The following EIF2AK3 variants were observed in gnomAD, a reference collection of about 807,000 sequenced individuals.
EIF2AK3 encodes eukaryotic translation initiation factor 2-alpha kinase 3.
In EIF2AK3, 50 loss-of-function variants were observed where a neutral mutation model predicts 113.5. The ratio of observed to expected loss-of-function variants is 0.44; its 90% confidence interval spans 0.35 to 0.56. The LOEUF is 0.56. Ranked by LOEUF, EIF2AK3 falls within the 20% of genes least tolerant of loss-of-function variation. The pLI is 0.00. For missense variants in EIF2AK3, 1,185 were observed against 1,378.0 expected (o/e 0.86, Z 2.22); for synonymous variants, 448 against 495.4 (o/e 0.90, Z 1.27).
At position 88,577,131 on chromosome 2, in the gene EIF2AK3, G is replaced by A. The variant is rs183138697; in HGVS notation, c.1887-428C>T. On this transcript the variant is annotated intron_variant, in intron 11 of 16. Transcript: ENST00000303236. The stretch of plus-strand genomic sequence containing the variant: ...CCCGAGTAGCTGGGATTACAGATGC[G>A]CACCACCACACCCAGGTAATTTTGT... Among the ~76,000 whole-genome samples, 68 of 151,930 alleles carry A rather than the reference G, an allele frequency of 4.5e-4. 1 individual carries two copies. The highest frequency in any genetic ancestry group is 1.6e-3 in the African/African-American group (65 of 41,448).
chr2:88,599,504 T>G (rs905871280), intron 2 of EIF2AK3, among the ~76,000 whole-genome samples: 1 of 151,576 alleles, frequency 6.6e-6, no homozygotes, highest in Non-Finnish European at 1.5e-5. Flanking sequence ...ACATATCAGA[T>G]AGAAAATCAA....
At chr2:88,619,955 C>CAAAAAAA (rs35076573) in intron 1 of EIF2AK3, among the ~76,000 whole-genome samples, 2 of 119,722 alleles carry the variant, frequency 1.7e-5, no homozygotes, top group Non-Finnish European at 1.8e-5. Flanking sequence ...GACTCCGTCT[C>CAAAAAAA]AAAAAAAAAA....
At chr2:88,565,224 CG>C (rs1274421809) in intron 14 of EIF2AK3, among the ~76,000 whole-genome samples, 1 of 151,544 alleles carries the variant, frequency 6.6e-6, no homozygotes, top group Non-Finnish European at 1.5e-5. Context: ...TCAGTAGAGA[CG>C]GGGTTTCACC....
At chr2:88,613,592 G>T in intron 2 of EIF2AK3, 132 bp downstream of exon 2, 3 of 900,594 alleles carry the variant, frequency 3.3e-6, no homozygotes, top group South Asian at 1.4e-5. Context: ...TTAAGTAATT[G>T]CCCTAAAGGG....
intron 2 of EIF2AK3, among the ~76,000 whole-genome samples, chr2:88,600,425 T>C (rs1173496191): frequency 6.6e-6 from 1 of 152,238 alleles, no homozygotes; most frequent in African/African-American, 2.4e-5. Flanking sequence ...TTTGTTCATG[T>C]AAGCAGCTAT....
intron 2 of EIF2AK3, among the ~76,000 whole-genome samples, chr2:88,605,862 T>G (rs1675258823): frequency 6.6e-6 from 1 of 151,954 alleles, no homozygotes; most frequent in South Asian, 2.1e-4. Flanking sequence ...GACTGTTTGA[T>G]AAAAGTAAAG....
intron 13 of EIF2AK3, among the ~76,000 whole-genome samples, chr2:88,573,340 G>T (rs934553410): frequency 6.6e-6 from 1 of 152,120 alleles, no homozygotes; most frequent in African/African-American, 2.4e-5. Flanking sequence ...ATTAGCAGAA[G>T]AATATTCATT....
intron 15 of EIF2AK3, among the ~76,000 whole-genome samples, chr2:88,559,698 A>ATCTGTATCATTCAGTTTTTAT: frequency 6.6e-6 from 1 of 152,298 alleles, no homozygotes; most frequent in East Asian, 1.9e-4. Context: ...ATTTCATAAA[A>ATCTGTATCATTCAGTTTTTAT]ACTGAATGAT....
intron 14 of EIF2AK3, among the ~76,000 whole-genome samples, chr2:88,566,552 A>G (rs1475741530): frequency 2.0e-5 from 3 of 152,002 alleles, no homozygotes; most frequent in Non-Finnish European, 4.4e-5. Context: ...GTACATGTGT[A>G]GGACGTGCAG....
Position 88,556,803 on chromosome 2 carries a change from TAA to T in EIF2AK3, c.*931_*932del, listed in dbSNP as rs970950461. The T allele has an allele frequency of 2.0e-5, 3 of 152,336 alleles. No homozygotes were observed. The highest frequency in any genetic ancestry group is 3.9e-4 in the East Asian group (2 of 5,190). 9.4% of individuals were successfully genotyped at this position (152,336 alleles called of 1,614,324 possible). On this transcript the variant is annotated 3_prime_UTR_variant, in exon 17 of 17. Transcript: ENST00000303236. ...GAAAGAAGTCACAAGTTAACACACTTAAGTGTGTTCTGTACACCACCAACCCA... is the reference window on the plus strand; with the variant it reads ...GAAAGAAGTCACAAGTTAACACACTTGTGTGTTCTGTACACCACCAACCCA...
At chr2:88,577,970 C>T (rs1161759218) in intron 11 of EIF2AK3, among the ~76,000 whole-genome samples, 1 of 152,146 alleles carries the variant, frequency 6.6e-6, no homozygotes, top group Non-Finnish European at 1.5e-5. Context: ...TAAGATAAGG[C>T]AAAGGTCAAA....
chr2:88,595,480 A>G lies in EIF2AK3; in HGVS notation c.622T>C (p.Tyr208His), dbSNP rs764744831. Residue 208 changes from tyrosine (Y) to histidine (H), a missense_variant, in exon 3 of 17, where the codon TAT becomes CAT. This residue lies in a region of EIF2AK3 where 119 missense variants were observed against 178.7 expected (regional missense o/e 0.67). Transcript: ENST00000303236. ...GCATTTTCACTTACCTTTCCACTAT[A>G]TGCACTGAGTCCATATGTAGTCAGA... The part of the protein sequence containing the change: ...KSLTTYGLSA[Y>H]SGKVRYICSA... The G allele has an allele frequency of 1.2e-6, 2 of 1,614,014 alleles. No individual in the cohort carries two copies. Among genetic ancestry groups the G allele is most frequent in the Admixed American group, 1.7e-5 (1 of 60,022 alleles).
intron 16 of EIF2AK3, 143 bp from the exon 17 acceptor site, chr2:88,558,079 C>T: frequency 1.3e-6 from 1 of 764,048 alleles, no homozygotes; most frequent in South Asian, 1.6e-5. Flanking sequence ...GATACAACTA[C>T]TCAGCTCTGC....
chr2:88,577,502 C>A (rs1456923027), intron 11 of EIF2AK3, among the ~76,000 whole-genome samples: 1 of 150,896 alleles, frequency 6.6e-6, no homozygotes, highest in East Asian at 2.0e-4. Context: ...CACTCTGTCA[C>A]CCACGCTGGA....
At chr2:88,598,413 T>C (rs138968812) in intron 2 of EIF2AK3, among the ~76,000 whole-genome samples, 221 of 152,268 alleles carry the variant, frequency 1.5e-3, no homozygotes, top group African/African-American at 5.1e-3. Flanking sequence ...ATACCTTGAT[T>C]GGATAACCAA....
At chr2:88,612,435 T>C (rs985027210) in intron 2 of EIF2AK3, among the ~76,000 whole-genome samples, 7 of 152,218 alleles carry the variant, frequency 4.6e-5, no homozygotes, top group African/African-American at 1.7e-4. Context: ...TTGAATACCA[T>C]ACTCAATTAT....
At chr2:88,573,089 A>C (rs899956037) in intron 13 of EIF2AK3, among the ~76,000 whole-genome samples, 4 of 150,272 alleles carry the variant, frequency 2.7e-5, no homozygotes, top group Non-Finnish European at 4.4e-5. Flanking sequence ...CAGCTTTTTC[A>C]CCCAGGAACA....
chr2:88,587,465 C>A (rs1355172894), intron 8 of EIF2AK3, among the ~76,000 whole-genome samples: 3 of 152,084 alleles, frequency 2.0e-5, no homozygotes, highest in African/African-American at 7.2e-5. Flanking sequence ...CATGCCAAAT[C>A]TCACCTATTC....
At chr2:88,619,071 C>T (rs941270771) in intron 1 of EIF2AK3, among the ~76,000 whole-genome samples, 7 of 151,392 alleles carry the variant, frequency 4.6e-5, no homozygotes, top group Non-Finnish European at 1.0e-4. Context: ...TCAATGGCAA[C>T]CTCCGCCTCC....
Sources: allele counts gnomAD v4.1 joint callset (sites outside exome capture counted in the v4.1 genomes callset), GRCh38; gene constraint gnomAD v4.1.1; regional missense constraint gnomAD v4.1.1; transcripts MANE v1.5; gene names NCBI Gene and HGNC (gene_info 2026-07-23, HGNC 2026-07-21).